LRFN5: variants seen among roughly 807,000 people sequenced by gnomAD.
LRFN5 encodes the protein leucine rich repeat and fibronectin type III domain containing 5.
Under a neutral mutation model 45.6 loss-of-function variants are expected in LRFN5, and 24 were observed. That is an observed-to-expected ratio of 0.53 (90% CI 0.38 to 0.74). LRFN5 has a LOEUF of 0.74. Ranked by LOEUF, LRFN5 falls within the 30% of genes least tolerant of loss-of-function variation. The pLI is 0.00. For missense variants in LRFN5, 776 were observed against 861.5 expected (o/e 0.90, Z 1.24); for synonymous variants, 340 against 313.8 (o/e 1.08, Z -0.88).
At chr14:41,891,019 TAGTA>T (rs1181513355) in intron 3 of LRFN5, among the ~76,000 whole-genome samples, 2 of 152,140 alleles carry the variant, frequency 1.3e-5, no homozygotes, top group African/African-American at 2.4e-5. Context: ...GCAATGTAAT[TAGTA>T]AGCTTGTGAA....
At chr14:41,867,952 G>A (rs1472464711) in intron 2 of LRFN5, among the ~76,000 whole-genome samples, 1 of 152,010 alleles carries the variant, frequency 6.6e-6, no homozygotes. Flanking sequence ...GTGTAGGACA[G>A]ATCTCCTGAC....
chr14:41,745,776 T>TA (rs59715595), intron 1 of LRFN5, among the ~76,000 whole-genome samples: 25,171 of 151,810 alleles, frequency 0.17, 2,177 homozygotes, highest in Admixed American at 0.19. Flanking sequence ...CTACATGAAA[T>TA]GACAAATTCT....
At chr14:41,675,698 T>C (rs1881600763) in intron 1 of LRFN5, among the ~76,000 whole-genome samples, 1 of 152,162 alleles carries the variant, frequency 6.6e-6, no homozygotes, top group African/African-American at 2.4e-5. Context: ...TAAGCCTTTA[T>C]TTCCCTGCCC....
intron 1 of LRFN5, among the ~76,000 whole-genome samples, chr14:41,638,938 G>A (rs926070962): frequency 6.6e-6 from 1 of 151,818 alleles, no homozygotes; most frequent in Non-Finnish European, 1.5e-5. Flanking sequence ...ACATAACTTT[G>A]GCATCTGCTA....
intron 2 of LRFN5, among the ~76,000 whole-genome samples, chr14:41,867,681 C>G (rs1438574643): frequency 6.6e-6 from 1 of 152,054 alleles, no homozygotes; most frequent in Non-Finnish European, 1.5e-5. Flanking sequence ...TATTTTATCT[C>G]CATCAGATCT....
intron 4 of LRFN5, 66 bp downstream of exon 4, chr14:41,892,028 T>G: frequency 6.4e-7 from 1 of 1,558,352 alleles, no homozygotes; most frequent in Non-Finnish European, 8.6e-7. Context: ...CAATGGAGAA[T>G]TAAAGGAATA....
At chr14:41,614,767 T>C (rs1887876121) in intron 1 of LRFN5, among the ~76,000 whole-genome samples, 1 of 152,080 alleles carries the variant, frequency 6.6e-6, no homozygotes, top group Admixed American at 6.6e-5. Context: ...ATATGACTTA[T>C]GCAATCAGAC....
intron 2 of LRFN5, among the ~76,000 whole-genome samples, chr14:41,809,194 A>G (rs1004294296): frequency 2.6e-5 from 4 of 152,124 alleles, no homozygotes; most frequent in Non-Finnish European, 5.9e-5. Flanking sequence ...GGTAATGCCC[A>G]TTAGTAGGAA....
chr14:41,729,286 T>G (rs1884067585), intron 1 of LRFN5, among the ~76,000 whole-genome samples: 1 of 152,046 alleles, frequency 6.6e-6, no homozygotes, highest in African/African-American at 2.4e-5. Flanking sequence ...TAAAAGAGTG[T>G]AGCACCTCCC....
At chr14:41,838,702 G>C (rs549786660) in intron 2 of LRFN5, among the ~76,000 whole-genome samples, 57 of 152,214 alleles carry the variant, frequency 3.7e-4, no homozygotes, top group Admixed American at 2.1e-3. Flanking sequence ...TTTTGCAAAA[G>C]TCATTAAATA....
intron 1 of LRFN5, among the ~76,000 whole-genome samples, chr14:41,651,440 G>A (rs977605180): frequency 1.3e-5 from 2 of 152,074 alleles, no homozygotes; most frequent in African/African-American, 4.8e-5. Context: ...AAATTTTGAT[G>A]TACACTTACA....
chr14:41,810,119 A>T (rs1887685966), intron 2 of LRFN5, among the ~76,000 whole-genome samples: 1 of 152,064 alleles, frequency 6.6e-6, no homozygotes, highest in Non-Finnish European at 1.5e-5. Context: ...GTTGATTGAG[A>T]TTTATGACAT....
chr14:41,823,433 A>G (rs1888192966), intron 2 of LRFN5, among the ~76,000 whole-genome samples: 1 of 151,226 alleles, frequency 6.6e-6, no homozygotes, highest in Non-Finnish European at 1.5e-5. Flanking sequence ...ATCTATATCT[A>G]TATCTATATT....
chr14:41,862,328 T>A (rs1213429957), intron 2 of LRFN5, among the ~76,000 whole-genome samples: 2 of 152,244 alleles, frequency 1.3e-5, no homozygotes, highest in Non-Finnish European at 2.9e-5. Context: ...TCTTGTAGAA[T>A]CACCCAGTAC....
chr14:41,799,388 T>C (rs994755483), intron 2 of LRFN5, among the ~76,000 whole-genome samples: 12 of 151,964 alleles, frequency 7.9e-5, no homozygotes. Flanking sequence ...TTGAGGGGGA[T>C]CACTGCTGAT....
At chr14:41,626,300 A>G (rs1888329934) in intron 1 of LRFN5, among the ~76,000 whole-genome samples, 1 of 152,276 alleles carries the variant, frequency 6.6e-6, no homozygotes, top group South Asian at 2.1e-4. Context: ...GTGCCAACTA[A>G]GATGTCAGTG....
At chr14:41,890,085 A>G (rs1178269659) in intron 3 of LRFN5, among the ~76,000 whole-genome samples, 2 of 151,928 alleles carry the variant, frequency 1.3e-5, no homozygotes, top group South Asian at 2.1e-4. Flanking sequence ...GCTGGTCTCA[A>G]ACTCCTGACC....
chr14:41,652,953 A>G (rs1314299922), intron 1 of LRFN5, among the ~76,000 whole-genome samples: 3 of 152,048 alleles, frequency 2.0e-5, no homozygotes, highest in Non-Finnish European at 4.4e-5. Context: ...TGTCACATGT[A>G]TGTCTTCTTT....
chr14:41,862,990 G>T (rs867061776), intron 2 of LRFN5, among the ~76,000 whole-genome samples: 21 of 149,422 alleles, frequency 1.4e-4, no homozygotes, highest in African/African-American at 5.2e-4. Flanking sequence ...TCAGCCTCCC[G>T]AGTAGGTGGG....
Sources: gnomAD v4.1 joint callset for allele counts (sites outside exome capture counted in the v4.1 genomes callset) on GRCh38, gnomAD v4.1.1 for gene constraint, MANE v1.5 for transcripts, NCBI Gene and HGNC (gene_info 2026-07-23, HGNC 2026-07-21) for gene names.